Variants in DIAPH3 observed in about 807,000 individuals in gnomAD.
DIAPH3 encodes the protein protein diaphanous homolog 3.
DIAPH3 carries 117 observed loss-of-function variants against 144.3 expected under a neutral mutation model. The ratio of observed to expected loss-of-function variants is 0.81; its 90% CI spans 0.70 to 0.95. The LOEUF (loss-of-function observed/expected upper bound fraction) is 0.95, where lower values mean the gene tolerates loss of function less well. Ranked by LOEUF, DIAPH3 falls within the 40% of genes least tolerant of loss-of-function variation. The pLI is 0.00. For missense variants in DIAPH3, 1,421 were observed against 1,412.7 expected (o/e 1.01, Z -0.09); for synonymous variants, 519 against 488.9 (o/e 1.06, Z -0.81).
At chr13:60,013,016 C>T (rs560177125) in intron 7 of DIAPH3, 1 of 985,380 alleles carries the variant, frequency 1.0e-6, no homozygotes, top group East Asian at 1.1e-4. Flanking sequence ...AAAACAAAAA[C>T]TGTTGACTCT....
chr13:59,899,188 T>G (rs2046298322), intron 20 of DIAPH3, among the ~76,000 whole-genome samples: 1 of 152,196 alleles, frequency 6.6e-6, no homozygotes, highest in African/African-American at 2.4e-5. Context: ...TCCTACTGGC[T>G]TCCTTGCTCT....
At chr13:59,786,086 A>G (rs750021963) in intron 25 of DIAPH3, among the ~76,000 whole-genome samples, 5 of 152,188 alleles carry the variant, frequency 3.3e-5, no homozygotes, top group Non-Finnish European at 7.3e-5. Context: ...TCAGCACTAT[A>G]GCCTGGGTGA....
At chr13:59,891,768 C>A (rs1050481522) in intron 20 of DIAPH3, among the ~76,000 whole-genome samples, 2 of 151,746 alleles carry the variant, frequency 1.3e-5, no homozygotes, top group Non-Finnish European at 2.9e-5. Flanking sequence ...AGAGTGATTG[C>A]CACCATAAGA....
At chr13:59,732,467 G>C (rs1173689110) in intron 27 of DIAPH3, among the ~76,000 whole-genome samples, 1 of 150,786 alleles carries the variant, frequency 6.6e-6, no homozygotes, top group East Asian at 2.0e-4. Flanking sequence ...TTTTGAGACA[G>C]AGTCTCACTC....
At chr13:59,880,658 A>G (rs890094630) in intron 20 of DIAPH3, among the ~76,000 whole-genome samples, 3 of 152,144 alleles carry the variant, frequency 2.0e-5, no homozygotes, top group Non-Finnish European at 4.4e-5. Context: ...ATGACTAAAC[A>G]TAACTCAGCT....
chr13:59,992,128 T>C lies in DIAPH3; in HGVS notation c.1184A>G (p.His395Arg). ...LDIQLKVFDE[H>R]KEEDLFELSH... The stretch of plus-strand genomic sequence containing the variant: ...TAACTCAAACAAATCTTCTTCTTTA[T>C]GCTCATCAAAGACTTTAAGTTGGAT... The change falls in exon 11 of 28, where the codon CAT (histidine) becomes CGT (arginine). Residue 395 changes from histidine (H) to arginine (R), a missense_variant. Coordinates refer to ENST00000400324, the MANE Select transcript of DIAPH3 (RefSeq NM_001042517.2). 1 of 1,612,052 alleles carries C rather than the reference T, an allele frequency of 6.2e-7. No individual in the cohort carries two copies. The highest frequency in any genetic ancestry group is 8.5e-7 in the Non-Finnish European group (1 of 1,178,820).
At chr13:59,906,492 A>T (rs1368192558) in intron 20 of DIAPH3, among the ~76,000 whole-genome samples, 1 of 152,228 alleles carries the variant, frequency 6.6e-6, no homozygotes, top group African/African-American at 2.4e-5. Context: ...TGAATGTTTT[A>T]CAACAAGAAT....
At chr13:59,856,760 G>T (rs2043277363) in intron 22 of DIAPH3, among the ~76,000 whole-genome samples, 1 of 152,084 alleles carries the variant, frequency 6.6e-6, no homozygotes, top group Admixed American at 6.6e-5. Context: ...GTAACAGTTA[G>T]AAAACATTTT....
At chr13:60,111,604 T>C (rs2058569340) in intron 3 of DIAPH3, among the ~76,000 whole-genome samples, 2 of 152,194 alleles carry the variant, frequency 1.3e-5, no homozygotes, top group South Asian at 2.1e-4. Flanking sequence ...CTTATGAGCA[T>C]CTAACTAATG....
At position 60,042,888 on chromosome 13, in the gene DIAPH3, T is replaced by C. The variant is rs1594483975; in HGVS notation, c.496-68A>G. 5.8e-6 allele frequency: 9 copies of C among 1,548,686 alleles called. No individual in the cohort carries two copies. In the East Asian group the frequency reaches 2.1e-4, roughly 35 times the overall value. On this transcript the variant is annotated intron_variant, in intron 4 of 27. Transcript: ENST00000400324. ...AGATTACCCATTAAAAAATAACAAG[T>C]TAATCTCCCTAACAGCAGCACATAA...
chr13:60,013,937 A>T (rs2053452343), intron 7 of DIAPH3, among the ~76,000 whole-genome samples: 1 of 152,186 alleles, frequency 6.6e-6, no homozygotes, highest in African/African-American at 2.4e-5. Flanking sequence ...TTAATAACAC[A>T]GATAAAAGCA....
chr13:59,715,609 A>G (rs1399176544), intron 27 of DIAPH3, among the ~76,000 whole-genome samples: 1 of 151,284 alleles, frequency 6.6e-6, no homozygotes, highest in Admixed American at 6.7e-5. Context: ...TGTTCTTTAG[A>G]GTAAAAAAAA....
rs561634439 is a variant in DIAPH3 at position 59,924,330 on chromosome 13, A to C, written c.2170+445T>G. Among the ~76,000 whole-genome samples the C allele has an allele frequency of 1.7e-4, 26 of 152,264 alleles. No individual in the cohort carries two copies. In the South Asian group the frequency reaches 5.0e-3, roughly 29 times the overall value. On this transcript the variant is annotated intron_variant, in intron 18 of 27. Coordinates refer to ENST00000400324, the MANE Select transcript of DIAPH3 (RefSeq NM_001042517.2). ...CTGCTCAGATGGGATAACTGAATTCACTTTACTCACCATCCTTATTTCCGT... is the reference window on the plus strand; with the variant it reads ...CTGCTCAGATGGGATAACTGAATTCCCTTTACTCACCATCCTTATTTCCGT...
chr13:59,666,632 T>C lies in DIAPH3; in HGVS notation c.3534A>G (p.Glu1178=), dbSNP rs890334312. ...GCAGGGCTTCAACTTCGGGAACTGA[T>C]TCATTTTTAGAAAAAGAGCCAAGAA... ...TELLGSFSKN[E]SVPEVEALLA... Residue 1178 remains glutamate, a synonymous_variant, in exon 28 of 28, where the codon GAA becomes GAG. Coordinates refer to ENST00000400324, the MANE Select transcript of DIAPH3 (RefSeq NM_001042517.2). 3.7e-6 allele frequency: 6 copies of C among 1,614,132 alleles called. No individual in the cohort carries two copies. The highest frequency in any genetic ancestry group is 5.1e-6 in the Non-Finnish European group (6 of 1,179,998).
At chr13:60,092,524 G>C (rs527576373) in intron 4 of DIAPH3, among the ~76,000 whole-genome samples, 3 of 152,142 alleles carry the variant, frequency 2.0e-5, no homozygotes, top group Non-Finnish European at 2.9e-5. Flanking sequence ...GGTGGCAGGC[G>C]CCTGTAGTCC....
intron 2 of DIAPH3, among the ~76,000 whole-genome samples, chr13:60,113,977 G>T (rs1433227905): frequency 2.6e-5 from 4 of 152,148 alleles, no homozygotes; most frequent in Non-Finnish European, 5.9e-5. Flanking sequence ...AATACTCCGT[G>T]AGGCATATGC....
intron 17 of DIAPH3, among the ~76,000 whole-genome samples, chr13:59,935,651 T>C (rs901002083): frequency 1.7e-4 from 26 of 152,210 alleles, no homozygotes; most frequent in Admixed American, 1.2e-3. Context: ...AATCACATTG[T>C]ATAAATCACT....
In DIAPH3 at chr13:59,885,448, TAAAAAAA is replaced by T. The variant is rs67977635; in HGVS notation, c.2368-5987_2368-5981del. 2.9e-4 allele frequency among the ~76,000 whole-genome samples: 27 copies of T among 93,082 alleles called. No individual in the cohort carries two copies. In the Admixed American group the frequency reaches 3.2e-3, roughly 11 times the overall value. The allele number at this position is 93,082 out of a possible 152,430, so 61.1% of individuals were successfully genotyped here. A position where few individuals can be genotyped will look rare whatever the true frequency, so the allele number is the denominator to read the frequency against. On this transcript the variant is annotated intron_variant, in intron 20 of 27. Transcript: ENST00000400324. Reference sequence around the variant, plus strand: ...AGTTTATATAGCTGGCTTCTTTCACTAAAAAAAAAAAAAAAAAAAAAAGACTGAGATT... The same window carrying T: ...AGTTTATATAGCTGGCTTCTTTCACTAAAAAAAAAAAAAAAGACTGAGATT...
intron 4 of DIAPH3, among the ~76,000 whole-genome samples, chr13:60,090,129 GA>G (rs2057882086): frequency 6.6e-6 from 1 of 152,154 alleles, no homozygotes; most frequent in Non-Finnish European, 1.5e-5. Context: ...ATGAGGGAGG[GA>G]AACCTTTCTC....
Sources: gnomAD v4.1 joint callset for allele counts (sites outside exome capture counted in the v4.1 genomes callset) on GRCh38, gnomAD v4.1.1 for gene constraint, MANE v1.5 for transcripts, NCBI Gene and HGNC (gene_info 2026-07-23, HGNC 2026-07-21) for gene names.